The following CALM2 variants were observed in gnomAD, a reference collection of about 807,000 sequenced individuals.
CALM2 encodes calmodulin-2.
CALM2 carries 2 observed loss-of-function variants against 19.8 expected under a neutral mutation model. The observed-to-expected ratio is 0.10, with a 90% CI of 0.04 to 0.32. CALM2 has a LOEUF of 0.32. CALM2 is among the 10% of genes least tolerant of loss of function. The pLI is 1.00. For missense variants in CALM2, 38 were observed against 178.7 expected (o/e 0.21, Z 4.49); for synonymous variants, 51 against 52.1 (o/e 0.98, Z 0.09).
At chr2:47,173,050 T>C (rs561019658) in intron 1 of CALM2, 1 of 151,876 alleles carries the variant, frequency 6.6e-6, no homozygotes, top group East Asian at 2.0e-4. Context: ...AGAGACCAAA[T>C]TACTCACATA....
chr2:47,162,763 G>T, intron 2 of CALM2, 101 bp from the exon 3 acceptor site: 1 of 1,003,934 alleles, frequency 1.0e-6, no homozygotes. Context: ...TGGTGGGATC[G>T]TGCCAGTGAA....
At chr2:47,161,935 A>T in intron 4 of CALM2, 77 bp from the exon 5 acceptor site, 2 of 1,155,422 alleles carry the variant, frequency 1.7e-6, no homozygotes. Flanking sequence ...TAAGTTTACT[A>T]CTAAATTTCA....
intron 2 of CALM2, among the ~76,000 whole-genome samples, chr2:47,165,207 T>C (rs2103832114): frequency 6.6e-6 from 1 of 152,380 alleles, no homozygotes; most frequent in Middle Eastern, 3.4e-3. Context: ...TGAAGCCATA[T>C]GGCATAGAAA....
chr2:47,162,203 A>AAAAAAAAAC (rs1687182716), intron 4 of CALM2, 83 bp downstream of exon 4: 1 of 487,000 alleles, frequency 2.1e-6, no homozygotes, highest in African/African-American at 2.4e-5. Context: ...AAAAAAAACA[A>AAAAAAAAAC]CCAAAAAAAC....
chr2:47,160,581 T>C lies in CALM2; in HGVS notation c.*195A>G, dbSNP rs1687124629. 3 of 460,066 alleles carry C rather than the reference T, an allele frequency of 6.5e-6. No homozygotes were observed. The highest frequency in any genetic ancestry group is 1.2e-5 in the Non-Finnish European group (3 of 253,754). The allele number at this position is 460,066 out of a possible 1,614,324, so 28.5% of individuals were successfully genotyped here. A position where few individuals can be genotyped will look rare whatever the true frequency, so the allele number is the denominator to read the frequency against. ...AAGCCACATGCAACATGTTACTTGA[T>C]CAATTTTCTAAAATAAGGTTTTAGG... On this transcript the variant is annotated 3_prime_UTR_variant, in exon 6 of 6. Coordinates refer to ENST00000272298, the MANE Select transcript of CALM2 (RefSeq NM_001743.6).
At chr2:47,172,361 G>T in intron 1 of CALM2, 1 of 488,216 alleles carries the variant, frequency 2.0e-6, no homozygotes, top group Non-Finnish European at 4.0e-6. Context: ...CTTGGACGTG[G>T]TACTCCTCCT....
chr2:47,160,818 A>C lies in CALM2; in HGVS notation c.422-14T>G. 1 of 1,450,736 alleles carries C rather than the reference A, an allele frequency of 6.9e-7. No individual in the cohort carries two copies. The highest frequency in any genetic ancestry group is 9.3e-7 in the Non-Finnish European group (1 of 1,070,010). The allele number at this position is 1,450,736 out of a possible 1,614,324, so 89.9% of individuals were successfully genotyped here. A position where few individuals can be genotyped will look rare whatever the true frequency, so the allele number is the denominator to read the frequency against. ...TTTGTACAAACTCTGAAAAAGAAGA[A>C]GTACACAAAAAATGAGTCAATAGCA... On this transcript the variant is annotated splice_polypyrimidine_tract_variant and intron_variant, in intron 5 of 5. Transcript: ENST00000272298.
chr2:47,176,648 TCA>T, upstream of CALM2: 26 of 1,477,120 alleles, frequency 1.8e-5, no homozygotes, highest in Non-Finnish European at 2.1e-5. Context: ...ACCCCTTTCT[TCA>T]CAGTTATTTG....
rs574188728 is a variant in CALM2, at chr2:47,175,942, G to T, written c.3+499C>A. Among the ~76,000 whole-genome samples the T allele has an allele frequency of 3.5e-3, 533 of 151,066 alleles. 2 individuals are homozygous for T. Among genetic ancestry groups the T allele is most frequent in the African/African-American group, 0.012 (514 of 41,284 alleles). Reference sequence around the variant, plus strand: ...GACGCGGGCTAACTGCGACGCCGACGCTCGCCCCAGGGCCCCGCGCGCTCC... The same window carrying T: ...GACGCGGGCTAACTGCGACGCCGACTCTCGCCCCAGGGCCCCGCGCGCTCC... On this transcript the variant is annotated intron_variant, in intron 1 of 5. Transcript: ENST00000272298.
At chr2:47,163,350 T>C (rs1358792867) in intron 2 of CALM2, 1 of 152,206 alleles carries the variant, frequency 6.6e-6, no homozygotes, top group Non-Finnish European at 1.5e-5. Flanking sequence ...TTTTGAGCTT[T>C]CTTTGGAATA....
intron 2 of CALM2, among the ~76,000 whole-genome samples, chr2:47,168,287 A>G (rs367876934): frequency 6.6e-6 from 1 of 152,210 alleles, no homozygotes; most frequent in Non-Finnish European, 1.5e-5. Context: ...AAAAGGCAGG[A>G]TAAGAAGAGA....
intron 1 of CALM2, chr2:47,171,544 T>G (rs1327779844): frequency 6.6e-6 from 1 of 152,168 alleles, no homozygotes; most frequent in African/African-American, 2.4e-5. Context: ...CACTAAGGTG[T>G]CAGACATACC....
At chr2:47,162,929 T>C in intron 2 of CALM2, 1 of 293,204 alleles carries the variant, frequency 3.4e-6, no homozygotes, top group Admixed American at 4.7e-5. Flanking sequence ...TGATAATATT[T>C]CAAATATATC....
rs72877089 is a variant in CALM2 at position 47,175,164 on chromosome 2, C to G, written c.3+1277G>C. Reference sequence around the variant, plus strand: ...ATGCTTTTAAAAATTCCCTGCTCCTCCCCCGCATACACTCTTCCATCACAG... The same window carrying G: ...ATGCTTTTAAAAATTCCCTGCTCCTGCCCCGCATACACTCTTCCATCACAG... On this transcript the variant is annotated intron_variant, in intron 1 of 5. Coordinates refer to ENST00000272298, the MANE Select transcript of CALM2 (RefSeq NM_001743.6). Among the ~76,000 whole-genome samples the G allele has an allele frequency of 8.7e-4, 125 of 144,328 alleles. 1 individual carries two copies. The highest frequency in any genetic ancestry group is 3.3e-3 in the African/African-American group (124 of 37,676). The allele number at this position is 144,328 out of a possible 152,430, so 94.7% of individuals were successfully genotyped here.
chr2:47,174,185 C>T (rs1373006008), intron 1 of CALM2: 2 of 152,198 alleles, frequency 1.3e-5, no homozygotes, highest in East Asian at 3.8e-4. Context: ...TACATGTAAA[C>T]TCAAGAGTTA....
intron 1 of CALM2, among the ~76,000 whole-genome samples, chr2:47,175,097 T>TCC (rs1553433904): frequency 7.9e-6 from 1 of 126,630 alleles, no homozygotes; most frequent in African/African-American, 3.9e-5. Context: ...TTTTTTTTTT[T>TCC]TCAGGAAAGA....
intron 1 of CALM2, chr2:47,172,395 C>T: frequency 3.3e-6 from 2 of 613,310 alleles, no homozygotes; most frequent in Non-Finnish European, 5.6e-6. Context: ...ATTTGTAGCA[C>T]AAGAATAACA....
intron 2 of CALM2, among the ~76,000 whole-genome samples, chr2:47,169,919 A>G (rs1389054867): frequency 6.6e-6 from 1 of 151,844 alleles, no homozygotes; most frequent in Non-Finnish European, 1.5e-5. Flanking sequence ...AAAAGTGTCT[A>G]ATGAAAACAA....
At position 47,162,668 on chromosome 2, in the gene CALM2, T is replaced by C. The variant is rs771731969; in HGVS notation, c.35-6A>G. The C allele has an allele frequency of 6.3e-7, 1 of 1,587,288 alleles. No homozygotes were observed. The highest frequency in any genetic ancestry group is 8.6e-7 in the Non-Finnish European group (1 of 1,166,450). ...TGAAAAAGCTTCTTTGAATTCTGTT[T>C]GAAAGAAAGACCACAATCCAAATAC... On this transcript the variant is annotated splice_polypyrimidine_tract_variant and splice_region_variant and intron_variant, in intron 2 of 5. Transcript: ENST00000272298.
Sources: gnomAD v4.1 joint callset for allele counts (sites outside exome capture counted in the v4.1 genomes callset) on GRCh38, gnomAD v4.1.1 for gene constraint, MANE v1.5 for transcripts, NCBI Gene and HGNC (gene_info 2026-07-23, HGNC 2026-07-21) for gene names.